The following KIAA1217 variants were observed in gnomAD, a reference collection of about 807,000 sequenced individuals.
KIAA1217 encodes the protein sickle tail protein homolog.
Under a neutral mutation model 163.9 loss-of-function variants are expected in KIAA1217, and 88 were observed. The observed-to-expected ratio is 0.54, with a 90% CI of 0.45 to 0.64. KIAA1217 has a LOEUF of 0.64. KIAA1217 is among the 30% of genes least tolerant of loss of function. The probability of loss-of-function intolerance (pLI) is 0.00; values close to 1 mark genes in which losing one functional copy is unlikely to be tolerated. For missense variants in KIAA1217, 2,372 were observed against 2,475.0 expected (o/e 0.96, Z 0.88); for synonymous variants, 903 against 923.1 (o/e 0.98, Z 0.39).
intron 1 of KIAA1217, among the ~76,000 whole-genome samples, chr10:23,732,733 GT>G (rs1838545961): frequency 6.6e-6 from 1 of 151,948 alleles, no homozygotes; most frequent in Admixed American, 6.6e-5. Context: ...TAGCTAACTG[GT>G]TTTTTAATCT....
intron 1 of KIAA1217, among the ~76,000 whole-genome samples, chr10:23,783,999 AC>A (rs1442956503): frequency 2.6e-5 from 4 of 151,678 alleles, no homozygotes; most frequent in Admixed American, 2.0e-4. Flanking sequence ...TTAAAAAAAA[AC>A]TTTTGTTGGT....
At chr10:23,745,166 G>T (rs547650507) in intron 1 of KIAA1217, among the ~76,000 whole-genome samples, 4 of 152,134 alleles carry the variant, frequency 2.6e-5, no homozygotes, top group Admixed American at 6.5e-5. Flanking sequence ...ATTGTCTTTT[G>T]TTGCCAACAA....
intron 1 of KIAA1217, among the ~76,000 whole-genome samples, chr10:23,858,071 A>G (rs1839783873): frequency 6.6e-6 from 1 of 151,960 alleles, no homozygotes; most frequent in Non-Finnish European, 1.5e-5. Context: ...CTACTTGGTA[A>G]TTTCTCTAGA....
intron 2 of KIAA1217, among the ~76,000 whole-genome samples, chr10:24,172,528 T>C (rs764044553): frequency 8.5e-5 from 13 of 152,242 alleles, no homozygotes; most frequent in Non-Finnish European, 1.6e-4. Context: ...TCTGTGACTC[T>C]ATTTTCTAAT....
intron 1 of KIAA1217, among the ~76,000 whole-genome samples, chr10:23,917,511 C>T (rs927944770): frequency 1.3e-5 from 2 of 152,166 alleles, no homozygotes; most frequent in Non-Finnish European, 2.9e-5. Context: ...GCAGCGGCCA[C>T]AGAGGAAGAG....
chr10:24,061,596 T>G (rs564542801), intron 2 of KIAA1217, among the ~76,000 whole-genome samples: 7 of 152,328 alleles, frequency 4.6e-5, no homozygotes, highest in Non-Finnish European at 7.3e-5. Context: ...CTCTCAGCTC[T>G]GTATGTCCTG....
intron 2 of KIAA1217, among the ~76,000 whole-genome samples, chr10:24,098,757 G>T (rs2062267126): frequency 6.6e-6 from 1 of 151,212 alleles, no homozygotes; most frequent in African/African-American, 2.4e-5. Context: ...GTGTGTGTGT[G>T]TGTTAGAGAG....
chr10:23,786,056 C>A (rs1041617514), intron 1 of KIAA1217, among the ~76,000 whole-genome samples: 1 of 152,102 alleles, frequency 6.6e-6, no homozygotes, highest in Non-Finnish European at 1.5e-5. Flanking sequence ...AAACAAGTAT[C>A]TACATAAAAT....
At chr10:24,185,806 A>G (rs2066401487) in intron 2 of KIAA1217, among the ~76,000 whole-genome samples, 1 of 151,906 alleles carries the variant, frequency 6.6e-6, no homozygotes, top group East Asian at 1.9e-4. Flanking sequence ...AAAAAAAAAA[A>G]TTGCAAAACT....
chr10:24,189,699 G>A (rs1320864326), intron 2 of KIAA1217, among the ~76,000 whole-genome samples: 1 of 152,142 alleles, frequency 6.6e-6, no homozygotes, highest in Non-Finnish European at 1.5e-5. Context: ...TTGGTTTGAT[G>A]AAGAATGGAC....
rs189098762 is a variant in KIAA1217 at position 23,809,471 on chromosome 10, G to A, written c.-321+114237G>A. Among the ~76,000 whole-genome samples the A allele has an allele frequency of 2.4e-3, 371 of 151,746 alleles. 3 individuals carry two copies. Among genetic ancestry groups the A allele is most frequent in the East Asian group, 1.9e-3 (10 of 5,174 alleles). On this transcript the variant is annotated intron_variant, in intron 1 of 18. Transcript: ENST00000376462. Reference sequence around the variant, plus strand: ...TAGCATAGAAAATAAAAAGGAATAAGGAAAGTGATTAATTCAATAAAGTGA... The same window carrying A: ...TAGCATAGAAAATAAAAAGGAATAAAGAAAGTGATTAATTCAATAAAGTGA...
chr10:24,208,375 GT>G (rs1417535079), upstream of KIAA1217, among the ~76,000 whole-genome samples: 15 of 3,114 alleles, frequency 4.8e-3, no homozygotes, highest in African/African-American at 0.045. Flanking sequence ...TAAGGGCTGG[GT>G]GTGTGTGTGT....
intron 2 of KIAA1217, among the ~76,000 whole-genome samples, chr10:24,084,549 G>T (rs2061634612): frequency 6.6e-6 from 1 of 152,214 alleles, no homozygotes; most frequent in Admixed American, 6.5e-5. Flanking sequence ...TAACAAAAAA[G>T]AGAAGACTGA....
intron 2 of KIAA1217, among the ~76,000 whole-genome samples, chr10:24,141,553 G>A (rs1282210700): frequency 6.6e-6 from 1 of 152,046 alleles, no homozygotes; most frequent in African/African-American, 2.4e-5. Flanking sequence ...TGAACTCCTG[G>A]GCCCACCCCT....
chr10:24,200,247 G>C (rs1248089906), intron 2 of KIAA1217, among the ~76,000 whole-genome samples: 1 of 149,142 alleles, frequency 6.7e-6, no homozygotes, highest in Non-Finnish European at 1.5e-5. Flanking sequence ...GGGCCTCGCT[G>C]TTTCCTAGGC....
rs2057926987 is a variant in KIAA1217 at position 24,412,953 on chromosome 10, T to G, written c.554-20042T>G. ...TCCCCATCTCAATAAATTGTAACCC[T>G]GTTATGCTAGTTGCTCTCAACAAAA... On this transcript the variant is annotated intron_variant, in intron 3 of 20. Coordinates refer to ENST00000376454, the MANE Select transcript of KIAA1217 (RefSeq NM_019590.5). Among the ~76,000 whole-genome samples, 3 of 152,380 alleles carry G rather than the reference T, an allele frequency of 2.0e-5. 1 individual carries two copies. The South Asian group carries it at 6.2e-4, about 32-fold the overall frequency.
intron 1 of KIAA1217, among the ~76,000 whole-genome samples, chr10:23,934,392 T>G (rs1843385712): frequency 2.8e-5 from 4 of 143,262 alleles, no homozygotes; most frequent in Admixed American, 7.1e-5. Context: ...GGGTGAGGGG[T>G]GAGGGGAGGG....
rs532405122 is a variant in KIAA1217, at chr10:24,440,964, T to C, written c.846+2485T>C. 2.0e-5 allele frequency among the ~76,000 whole-genome samples: 3 copies of C among 152,308 alleles called. No homozygotes were observed. In the East Asian group the frequency reaches 5.8e-4, roughly 29 times the overall value. ...CTCTGCAGGTTGGAATTCTTTTTCCTTTCTTGATGAATGTGGCTGCATTGC... is the reference window on the plus strand; with the variant it reads ...CTCTGCAGGTTGGAATTCTTTTTCCCTTCTTGATGAATGTGGCTGCATTGC... On this transcript the variant is annotated intron_variant, in intron 5 of 20. Transcript: ENST00000376454.
chr10:24,201,031 G>T (rs956854655), intron 2 of KIAA1217, among the ~76,000 whole-genome samples: 20 of 152,086 alleles, frequency 1.3e-4, no homozygotes, highest in Non-Finnish European at 2.2e-4. Flanking sequence ...GGCACTTTAG[G>T]GGGCTGAGGT....
Sources: gnomAD v4.1 joint callset for allele counts (sites outside exome capture counted in the v4.1 genomes callset) on GRCh38, gnomAD v4.1.1 for gene constraint, MANE v1.5 for transcripts, NCBI Gene and HGNC (gene_info 2026-07-23, HGNC 2026-07-21) for gene names.